Variants in METTL15 observed in about 807,000 individuals in gnomAD.
The protein encoded by METTL15 is 12S rRNA N(4)-cytidine methyltransferase METTL15.
A neutral mutation model predicts 38.3 loss-of-function variants in METTL15; 34 were observed. The ratio of observed to expected loss-of-function variants is 0.89; its 90% CI spans 0.68 to 1.18. The LOEUF is 1.18. Ranked by LOEUF, METTL15 falls within the 50% of genes most tolerant of loss-of-function variation. The probability of loss-of-function intolerance (pLI) is 0.00; values close to 1 mark genes in which losing one functional copy is unlikely to be tolerated. For missense variants in METTL15, 438 were observed against 498.4 expected, an observed-to-expected ratio of 0.88 and a Z score of 1.15; for synonymous variants, 162 against 170.9, an observed-to-expected ratio of 0.95 and a Z score of 0.41.
chr11:28,322,207 C>A (rs954789057), intron 6 of METTL15, among the ~76,000 whole-genome samples: 1 of 151,944 alleles, frequency 6.6e-6, no homozygotes, highest in Non-Finnish European at 1.5e-5. Flanking sequence ...ATGGCAGAAA[C>A]TCTACAAAAT....
intron 3 of METTL15, among the ~76,000 whole-genome samples, chr11:28,127,426 A>G (rs1852540681): frequency 6.7e-6 from 1 of 149,396 alleles, no homozygotes; most frequent in African/African-American, 2.5e-5. Flanking sequence ...AGGTGCCCAC[A>G]GATCCAGTAT....
chr11:28,507,951 T>C (rs569483685), intron 6 of METTL15, among the ~76,000 whole-genome samples: 1 of 152,136 alleles, frequency 6.6e-6, no homozygotes, highest in African/African-American at 2.4e-5. Context: ...ACCCAACTTA[T>C]CATCTCAAAA....
intron 6 of METTL15, among the ~76,000 whole-genome samples, chr11:28,472,579 A>G (rs544849748): frequency 7.2e-5 from 11 of 152,288 alleles, no homozygotes; most frequent in Middle Eastern, 3.4e-3. Flanking sequence ...ATAAAAGAAT[A>G]TGTGGATTGG....
At chr11:28,180,862 A>G (rs533621624) in intron 3 of METTL15, among the ~76,000 whole-genome samples, 2 of 151,946 alleles carry the variant, frequency 1.3e-5, no homozygotes, top group Admixed American at 6.6e-5. Flanking sequence ...GACAACTGCC[A>G]TTAAGTGTTT....
intron 3 of METTL15, among the ~76,000 whole-genome samples, chr11:28,154,756 C>T (rs1349375718): frequency 2.6e-5 from 4 of 151,996 alleles, no homozygotes; most frequent in Non-Finnish European, 5.9e-5. Flanking sequence ...AATTATAATG[C>T]CTGATTATAT....
At chr11:28,126,837 C>T (rs1484517578) in intron 3 of METTL15, among the ~76,000 whole-genome samples, 4 of 152,088 alleles carry the variant, frequency 2.6e-5, no homozygotes, top group Non-Finnish European at 4.4e-5. Context: ...GAAATTTCCA[C>T]TGCCATGAAA....
intron 6 of METTL15, among the ~76,000 whole-genome samples, chr11:28,476,713 A>T (rs1280518463): frequency 6.6e-6 from 1 of 152,222 alleles, no homozygotes; most frequent in African/African-American, 2.4e-5. Flanking sequence ...CCCTGGTCAC[A>T]TGTTGGTATC....
At position 28,196,367 on chromosome 11, in the gene METTL15, A is replaced by G. The variant is rs138745291; in HGVS notation, c.271-14695A>G. On this transcript the variant is annotated intron_variant, in intron 3 of 6. Coordinates refer to ENST00000407364, the MANE Select transcript of METTL15 (RefSeq NM_001113528.2). The stretch of plus-strand genomic sequence containing the variant: ...GTATTTCCATTTCTTTGTGTCATCT[A>G]TGATTTCTTTTAGCAGTGTTTTGTA... 4.8e-3 allele frequency among the ~76,000 whole-genome samples: 732 copies of G among 152,018 alleles called. 8 individuals carry two copies. Among genetic ancestry groups the G allele is most frequent in the African/African-American group, 0.017 (687 of 41,536 alleles).
intron 4 of METTL15, among the ~76,000 whole-genome samples, chr11:28,215,505 T>G (rs1039019763): frequency 3.3e-5 from 5 of 151,990 alleles, no homozygotes; most frequent in Admixed American, 6.6e-5. Flanking sequence ...TAAGTCTGCT[T>G]CTTAGGCCTT....
At chr11:28,346,924 A>G (rs1034346579) in intron 3 of METTL15, among the ~76,000 whole-genome samples, 2 of 152,216 alleles carry the variant, frequency 1.3e-5, no homozygotes, top group African/African-American at 4.8e-5. Flanking sequence ...AAGCAAAATG[A>G]TAGACTCTCC....
rs571209521 is a variant in METTL15, at chr11:28,210,930, A to G, written c.271-132A>G. 4.2e-6 allele frequency: 4 copies of G among 949,012 alleles called. No individual in the cohort carries two copies. In the South Asian group the frequency reaches 5.3e-5, roughly 13 times the overall value. 58.8% of individuals were successfully genotyped at this position (949,012 alleles called of 1,614,324 possible). A position where few individuals can be genotyped will look rare whatever the true frequency, so the allele number is the denominator to read the frequency against. Reference sequence around the variant, plus strand: ...ACATGTAACAAATTCAACTATAGGCACAACGATTGTAATTATTTTCCTATT... The same window carrying G: ...ACATGTAACAAATTCAACTATAGGCGCAACGATTGTAATTATTTTCCTATT... On this transcript the variant is annotated intron_variant, in intron 3 of 6. Transcript: ENST00000407364.
intron 5 of METTL15, chr11:28,398,745 C>T (rs1298115724): frequency 6.6e-6 from 1 of 151,956 alleles, no homozygotes; most frequent in African/African-American, 2.4e-5. Flanking sequence ...AAGTCTTTGC[C>T]CATGCCTGTG....
intron 6 of METTL15, among the ~76,000 whole-genome samples, chr11:28,489,967 C>G (rs2133480867): frequency 6.6e-6 from 1 of 152,170 alleles, no homozygotes; most frequent in East Asian, 1.9e-4. Context: ...CTGCGTTTTC[C>G]TCCATCACTG....
intron 4 of METTL15, among the ~76,000 whole-genome samples, chr11:28,261,020 G>C (rs1334274787): frequency 6.6e-6 from 1 of 152,092 alleles, no homozygotes; most frequent in Admixed American, 6.6e-5. Flanking sequence ...TGGGAACCAG[G>C]GGTGGTAATA....
chr11:28,318,194 G>A (rs934797582), intron 6 of METTL15, among the ~76,000 whole-genome samples: 3 of 152,108 alleles, frequency 2.0e-5, no homozygotes, highest in African/African-American at 4.8e-5. Flanking sequence ...ATCTTTATCT[G>A]GGACTGGAAG....
chr11:28,289,912 C>T (rs1856442421), intron 4 of METTL15, among the ~76,000 whole-genome samples: 1 of 152,132 alleles, frequency 6.6e-6, no homozygotes, highest in South Asian at 2.1e-4. Flanking sequence ...ATATGAAAGA[C>T]CTGGTTTGAC....
rs190438058 is a variant in METTL15, at chr11:28,112,752, A to C, written c.-17-566A>C. On this transcript the variant is annotated intron_variant, in intron 2 of 6. Transcript: ENST00000407364. Reference sequence around the variant, plus strand: ...GGGTACAGGGAGATGATCTCGTCAGAGAATCGGACTGATAGACTGATTATC... The same window carrying C: ...GGGTACAGGGAGATGATCTCGTCAGCGAATCGGACTGATAGACTGATTATC... 4.6e-3 allele frequency among the ~76,000 whole-genome samples: 702 copies of C among 152,306 alleles called. 8 individuals are homozygous for C. The highest frequency in any genetic ancestry group is 0.025 in the Admixed American group (380 of 15,302).
At chr11:28,221,212 T>C (rs1336346914) in intron 4 of METTL15, among the ~76,000 whole-genome samples, 4 of 152,226 alleles carry the variant, frequency 2.6e-5, no homozygotes, top group Non-Finnish European at 5.9e-5. Flanking sequence ...CAGATGTAGA[T>C]TTGGTCTTTT....
intron 5 of METTL15, among the ~76,000 whole-genome samples, chr11:28,295,086 A>T (rs1383690598): frequency 6.6e-6 from 1 of 152,156 alleles, no homozygotes; most frequent in South Asian, 2.1e-4. Context: ...TTTAGCAGGG[A>T]TTTTTGTCAT....
Sources: allele counts gnomAD v4.1 joint callset (sites outside exome capture counted in the v4.1 genomes callset), GRCh38; gene constraint gnomAD v4.1.1; transcripts MANE v1.5; gene names NCBI Gene and HGNC (gene_info 2026-07-23, HGNC 2026-07-21).